ETNPPL: variants seen among roughly 807,000 people sequenced by gnomAD.
ETNPPL encodes ethanolamine-phosphate phospho-lyase.
In ETNPPL, 30 loss-of-function variants were observed where a neutral mutation model predicts 55.5. That is an observed-to-expected ratio of 0.54 (90% confidence interval 0.40 to 0.73). The LOEUF is 0.73. ETNPPL is among the 30% of genes least tolerant of loss of function. The pLI is 0.00. For synonymous variants in ETNPPL, 202 were observed against 207.2 expected (o/e 0.98, Z 0.21); for missense variants, 528 against 607.9 (o/e 0.87, Z 1.38).
intron 6 of ETNPPL, among the ~76,000 whole-genome samples, chr4:108,752,350 G>C (rs138974084): frequency 0.011 from 1,680 of 152,308 alleles, 13 homozygotes; most frequent in Non-Finnish European, 0.016. Flanking sequence ...GAAGACAGTA[G>C]GGTGAAGACC....
At chr4:108,750,495 CGTGT>C (rs3062135) in intron 7 of ETNPPL, among the ~76,000 whole-genome samples, 263 of 141,412 alleles carry the variant, frequency 1.9e-3, no homozygotes, top group South Asian at 3.7e-3. Context: ...TTAATACCGC[CGTGT>C]GTGTGTGTGT....
chr4:108,751,496 C>T (rs1280572810), intron 6 of ETNPPL, among the ~76,000 whole-genome samples: 4 of 152,018 alleles, frequency 2.6e-5, no homozygotes, highest in Non-Finnish European at 2.9e-5. Context: ...GTTACTGTGC[C>T]GTATTTCTAG....
At position 108,754,614 on chromosome 4, in the gene ETNPPL, A is replaced by C; in HGVS notation, c.501+6T>G. On this transcript the variant is annotated splice_donor_region_variant and intron_variant, in intron 5 of 12. Transcript: ENST00000296486. ...ACATTCTGATTTAGGATTTTAAGAC[A>C]CTTACCACATGTACAAATTCTTTTT... 1 of 1,414,650 alleles carries C rather than the reference A, an allele frequency of 7.1e-7. No homozygotes were observed. Among genetic ancestry groups the C allele is most frequent in the Non-Finnish European group, 1.0e-6 (1 of 1,002,710 alleles). 87.6% of individuals were successfully genotyped at this position (1,414,650 alleles called of 1,614,324 possible). A position where few individuals can be genotyped will look rare whatever the true frequency, so the allele number is the denominator to read the frequency against.
In ETNPPL at chr4:108,752,946, A is replaced by G. The variant is rs142970921; in HGVS notation, c.567T>C (p.Tyr189=). 1.7e-5 allele frequency: 27 copies of G among 1,613,152 alleles called. No homozygotes were observed. The highest frequency in any genetic ancestry group is 1.5e-4 in the African/African-American group (11 of 74,904). ...REDHADSASA[Y]ADEVKKIIED... ...CAATGATTTTCTTCACTTCATCTGC[A>G]TAAGCACTGGCTGAGTCTGCATGGT... The change falls in exon 6 of 13, where the codon TAT becomes TAC. Residue 189 remains tyrosine (Y), a synonymous_variant. Transcript: ENST00000296486.
intron 1 of ETNPPL, among the ~76,000 whole-genome samples, chr4:108,760,895 A>G (rs917543244): frequency 2.0e-5 from 3 of 152,188 alleles, no homozygotes; most frequent in African/African-American, 4.8e-5. Context: ...TTCCCCTTCA[A>G]TCTAATGTAT....
Position 108,756,502 on chromosome 4 carries a change from T to C in ETNPPL, c.336-10A>G, listed in dbSNP as rs1729206406. The C allele has an allele frequency of 6.2e-7, 1 of 1,607,910 alleles. No homozygotes were observed. The highest frequency in any genetic ancestry group is 2.2e-5 in the East Asian group (1 of 44,848). On this transcript the variant is annotated splice_polypyrimidine_tract_variant and intron_variant, in intron 3 of 12. Transcript: ENST00000296486. Reference sequence around the variant, plus strand: ...GTCGTTGGCTTCGGATCTATTAAGATAACATAGAGAGAGAGGACACTGTGA... The same window carrying C: ...GTCGTTGGCTTCGGATCTATTAAGACAACATAGAGAGAGAGGACACTGTGA...
chr4:108,756,320 C>T, intron 4 of ETNPPL, 98 bp downstream of exon 4: 2 of 795,344 alleles, frequency 2.5e-6, no homozygotes, highest in East Asian at 2.5e-5. Context: ...TATATCTGTC[C>T]TCTTTCACAT....
At chr4:108,743,901 ACCTT>A (rs1335810123) in intron 11 of ETNPPL, 45 bp from the exon 12 acceptor site, 2 of 1,383,226 alleles carry the variant, frequency 1.4e-6, no homozygotes, top group Admixed American at 4.1e-5. Context: ...TAACATAAAA[ACCTT>A]AAGAAAAAAA....
Position 108,749,264 on chromosome 4 carries a change from T to A in ETNPPL, c.901A>T (p.Ser301Cys), listed in dbSNP as rs764567249. Residue 301 changes from serine (S) to cysteine (C), a missense_variant, in exon 8 of 13, where the codon AGC becomes TGC. Transcript: ENST00000296486. ...GTATTAAAATATTCCATCCCAGAGC[T>A]GCTGAAGGCTTCTGCAATTTCTTTG... Reference protein sequence around the residue: ...TTKEIAEAFSSSGMEYFNTYG... With the variant: ...TTKEIAEAFSCSGMEYFNTYG... The A allele has an allele frequency of 1.2e-5, 19 of 1,613,788 alleles. No individual in the cohort carries two copies. In the Admixed American group the frequency reaches 1.8e-4, roughly 16 times the overall value.
At chr4:108,748,934 T>C (rs1728751398) in intron 8 of ETNPPL, among the ~76,000 whole-genome samples, 1 of 152,104 alleles carries the variant, frequency 6.6e-6, no homozygotes, top group South Asian at 2.1e-4. Flanking sequence ...AGTTTGGCCA[T>C]ATCTAATGCA....
chr4:108,746,600 A>T (rs2125671195), intron 10 of ETNPPL, 71 bp from the exon 11 acceptor site: 1 of 1,548,744 alleles, frequency 6.5e-7, no homozygotes. Context: ...TTATGTGAAC[A>T]TAGAGCAGTT....
intron 6 of ETNPPL, among the ~76,000 whole-genome samples, chr4:108,752,472 GC>G (rs1728959553): frequency 6.6e-6 from 1 of 152,184 alleles, no homozygotes; most frequent in Non-Finnish European, 1.5e-5. Flanking sequence ...GTGCAAACCA[GC>G]CCCAGGCTCC....
intron 1 of ETNPPL, among the ~76,000 whole-genome samples, chr4:108,760,934 T>C (rs947743719): frequency 6.6e-6 from 1 of 152,224 alleles, no homozygotes; most frequent in African/African-American, 2.4e-5. Flanking sequence ...GAAAGCTAAA[T>C]GCAAATAACC....
In ETNPPL at chr4:108,749,769, TA is replaced by T. The variant is rs534403980; in HGVS notation, c.702-307del. On this transcript the variant is annotated intron_variant, in intron 7 of 12. Transcript: ENST00000296486. ...TGTTGCCCAGGCTGGAGTGCAGTGG[TA>T]TGATCAAACTCCCTGTAACCTCAAA... 2.0e-3 allele frequency among the ~76,000 whole-genome samples: 310 copies of T among 152,218 alleles called. 1 individual carries two copies. The highest frequency in any genetic ancestry group is 7.1e-3 in the African/African-American group (297 of 41,544).
intron 4 of ETNPPL, among the ~76,000 whole-genome samples, chr4:108,755,967 G>A (rs905170236): frequency 1.3e-5 from 2 of 152,230 alleles, no homozygotes; most frequent in African/African-American, 2.4e-5. Context: ...TAAATCTTAC[G>A]TGGCTGCCGG....
At position 108,760,237 on chromosome 4, in the gene ETNPPL, A is replaced by C; in HGVS notation, c.126T>G (p.Phe42Leu). The change falls in exon 2 of 13, where the codon TTT becomes TTG. Residue 42 changes from phenylalanine (F) to leucine (L), a missense_variant. Transcript: ENST00000296486. ...CCAAGTACTGTTCACCGTTCTCATC[A>C]AACATGTACTGCCTCTGGGCTCTCA... ...KIVRAQRQYMFDENGEQYLDC... is the reference protein window; with the variant it reads ...KIVRAQRQYMLDENGEQYLDC... The C allele has an allele frequency of 1.2e-6, 2 of 1,612,978 alleles. No individual in the cohort carries two copies. The highest frequency in any genetic ancestry group is 1.7e-6 in the Non-Finnish European group (2 of 1,179,052).
chr4:108,759,785 G>C lies in ETNPPL; in HGVS notation c.299C>G (p.Pro100Arg), dbSNP rs753031227. The part of the protein sequence containing the change: ...EYAKRLSATL[P>R]EKLSVCYFTN... ...AAAATAACAAACAGAGAGTTTCTCC[G>C]GCAGAGTTGCTGAAAGGCGTTTGGC... Residue 100 changes from proline (P) to arginine (R), a missense_variant, in exon 3 of 13, where the codon CCG becomes CGG. Coordinates refer to ENST00000296486, the MANE Select transcript of ETNPPL (RefSeq NM_031279.4). 2 of 1,614,006 alleles carry C rather than the reference G, an allele frequency of 1.2e-6. No individual in the cohort carries two copies. Among genetic ancestry groups the C allele is most frequent in the African/African-American group, 1.3e-5 (1 of 74,918 alleles).
chr4:108,761,182 T>C (rs531821289), intron 1 of ETNPPL, among the ~76,000 whole-genome samples: 2 of 152,330 alleles, frequency 1.3e-5, no homozygotes, highest in East Asian at 3.9e-4. Context: ...AATCTTGGCT[T>C]TATGAACATT....
intron 8 of ETNPPL, 116 bp downstream of exon 8, chr4:108,749,120 CAG>C: frequency 1.5e-6 from 1 of 651,334 alleles, no homozygotes; most frequent in South Asian, 2.2e-5. Context: ...AAACTTTGGC[CAG>C]AGTTCTGGGT....
Sources: allele counts gnomAD v4.1 joint callset (sites outside exome capture counted in the v4.1 genomes callset), GRCh38; gene constraint gnomAD v4.1.1; transcripts MANE v1.5; gene names NCBI Gene and HGNC (gene_info 2026-07-23, HGNC 2026-07-21).